Variants in IL10RA observed in about 807,000 individuals in gnomAD.
The protein encoded by IL10RA is interleukin-10 receptor subunit alpha.
A neutral mutation model predicts 29.6 loss-of-function variants in IL10RA; 18 were observed. The ratio of observed to expected loss-of-function variants is 0.61; its 90% CI spans 0.42 to 0.90. The LOEUF is 0.90. Ranked by LOEUF, IL10RA falls within the 40% of genes least tolerant of loss-of-function variation. The pLI is 0.00. For missense variants in IL10RA, 634 were observed against 716.6 expected (o/e 0.88, Z 1.32); for synonymous variants, 292 against 294.1 (o/e 0.99, Z 0.07).
At position 118,000,134 on chromosome 11, in the gene IL10RA, A is replaced by G. The variant is rs1350012674; in HGVS notation, c.*493A>G. 2.2e-6 allele frequency: 1 copy of G among 454,596 alleles called. No individual in the cohort carries two copies. Among genetic ancestry groups the G allele is most frequent in the Admixed American group, 2.3e-5 (1 of 42,562 alleles). 28.2% of individuals were successfully genotyped at this position (454,596 alleles called of 1,614,324 possible). A position where few individuals can be genotyped will look rare whatever the true frequency, so the allele number is the denominator to read the frequency against. On this transcript the variant is annotated 3_prime_UTR_variant, in exon 7 of 7. Coordinates refer to ENST00000227752, the MANE Select transcript of IL10RA (RefSeq NM_001558.4). Reference sequence around the variant, plus strand: ...TGCTGCTGGGGTCATTTTTAGGGGAAAAAGGAGGATATGATGGTCACATGG... The same window carrying G: ...TGCTGCTGGGGTCATTTTTAGGGGAGAAAGGAGGATATGATGGTCACATGG...
At position 117,994,159 on chromosome 11, in the gene IL10RA, C is replaced by A; in HGVS notation, c.688+10C>A. The A allele has an allele frequency of 6.2e-7, 1 of 1,613,016 alleles. No individual in the cohort carries two copies. The highest frequency in any genetic ancestry group is 8.5e-7 in the Non-Finnish European group (1 of 1,179,338). ...TCCCTCACCAGGCAGTGTGAGTCAG[C>A]TGGGCTGCTCTCAGCATGGGGAGGG... On this transcript the variant is annotated intron_variant, in intron 5 of 6. Transcript: ENST00000227752.
At position 117,995,682 on chromosome 11, in the gene IL10RA, G is replaced by C; in HGVS notation, c.782G>C (p.Arg261Pro). Reference protein sequence around the residue: ...AYCLALQLYVRRRKKLPSVLL... With the variant: ...AYCLALQLYVPRRKKLPSVLL... The stretch of plus-strand genomic sequence containing the variant: ...TGCCTGGCCCTCCAGCTGTATGTGC[G>C]GCGCCGAAAGAAGCTACCCAGTGTC... Residue 261 changes from arginine to proline, a missense_variant, in exon 6 of 7, where the codon CGG becomes CCG. Physicochemically the swap from Arg to Pro is moderately radical, Grantham distance 103. Transcript: ENST00000227752. 6.2e-7 allele frequency: 1 copy of C among 1,613,908 alleles called. No homozygotes were observed. Among genetic ancestry groups the C allele is most frequent in the Non-Finnish European group, 8.5e-7 (1 of 1,180,034 alleles).
At chr11:117,987,626 A>T (rs1370841967) in intron 1 of IL10RA, 1 of 153,938 alleles carries the variant, frequency 6.5e-6, no homozygotes, top group Non-Finnish European at 1.4e-5. Flanking sequence ...ATTCTTACAA[A>T]GAAGACAATG....
intron 4 of IL10RA, 25 bp downstream of exon 4, chr11:117,993,435 G>A (rs1351500467): frequency 6.2e-7 from 1 of 1,608,374 alleles, no homozygotes; most frequent in Non-Finnish European, 8.5e-7. Context: ...AAGGCCCCAG[G>A]GCCAGAACTC....
chr11:118,002,716 T>C (rs1433859664), downstream of IL10RA: 6 of 152,272 alleles, frequency 3.9e-5, no homozygotes, highest in Non-Finnish European at 7.3e-5. Flanking sequence ...GAGTTTGCGC[T>C]GGTTCATCTC....
chr11:117,989,806 AGATTTAAAAGGGAACT>A lies in IL10RA; in HGVS notation c.367+188_367+203del. ...AGATAAAAATAGCCCAAGTTGTTTG[AGATTTAAAAGGGAACT>A]GGAGTTGTTTATCCTACAGAAGAGA... On this transcript the variant is annotated intron_variant, in intron 3 of 6. Transcript: ENST00000227752. The surrounding 1 kb of genome is among the most constrained non-coding windows in gnomAD (Gnocchi z 4.5). The A allele has an allele frequency of 1.5e-6, 1 of 674,932 alleles. No homozygotes were observed. The highest frequency in any genetic ancestry group is 2.6e-6 in the Non-Finnish European group (1 of 382,308). 41.8% of individuals were successfully genotyped at this position (674,932 alleles called of 1,614,324 possible).
chr11:117,990,766 C>A (rs1178734695), intron 3 of IL10RA, among the ~76,000 whole-genome samples: 1 of 152,190 alleles, frequency 6.6e-6, no homozygotes, highest in Non-Finnish European at 1.5e-5. Flanking sequence ...ATAATCAATG[C>A]AATTTATCAC....
intron 5 of IL10RA, chr11:117,995,181 T>C (rs1033521706): frequency 6.0e-6 from 2 of 336,046 alleles, no homozygotes; most frequent in African/African-American, 4.3e-5. Flanking sequence ...ACAACTACCT[T>C]ATGAGGTCAG....
At chr11:117,993,009 T>C in intron 3 of IL10RA, 1 of 551,406 alleles carries the variant, frequency 1.8e-6, no homozygotes, top group Non-Finnish European at 3.3e-6. Context: ...GGTTTATTTC[T>C]GGGCTGTCCA....
At position 117,999,969 on chromosome 11, in the gene IL10RA, G is replaced by A. The variant is rs753647542; in HGVS notation, c.*328G>A. 6.0e-6 allele frequency: 3 copies of A among 500,948 alleles called. No individual in the cohort carries two copies. The highest frequency in any genetic ancestry group is 5.8e-5 in the African/African-American group (3 of 51,922). The allele number at this position is 500,948 out of a possible 1,614,324, so 31.0% of individuals were successfully genotyped here. A position where few individuals can be genotyped will look rare whatever the true frequency, so the allele number is the denominator to read the frequency against. ...GTATCATAAAGGATTATTTGCTCAG[G>A]GGAACCATGGGGCTTTCTGGAGTTG... On this transcript the variant is annotated 3_prime_UTR_variant, in exon 7 of 7. Coordinates refer to ENST00000227752, the MANE Select transcript of IL10RA (RefSeq NM_001558.4).
intron 1 of IL10RA, 27 bp from the exon 2 acceptor site, chr11:117,988,355 C>T (rs1482517369): frequency 6.2e-7 from 1 of 1,613,916 alleles, no homozygotes; most frequent in Non-Finnish European, 8.5e-7. Context: ...CCCCTCCCAG[C>T]TGTGGTACTG....
In IL10RA at chr11:117,999,655, G is replaced by T. The variant is rs2058081267; in HGVS notation, c.*14G>T. Reference sequence around the variant, plus strand: ...TCAAGTGAGTGACTCGGGCTGAGAGGCTGCTTTTGATTTTAGCCATGCCTG... The same window carrying T: ...TCAAGTGAGTGACTCGGGCTGAGAGTCTGCTTTTGATTTTAGCCATGCCTG... On this transcript the variant is annotated 3_prime_UTR_variant, in exon 7 of 7. Coordinates refer to ENST00000227752, the MANE Select transcript of IL10RA (RefSeq NM_001558.4). The T allele has an allele frequency of 1.2e-6, 2 of 1,610,386 alleles. No homozygotes were observed.
At chr11:117,992,265 A>G (rs887735446) in intron 3 of IL10RA, among the ~76,000 whole-genome samples, 2 of 152,200 alleles carry the variant, frequency 1.3e-5, no homozygotes, top group Non-Finnish European at 2.9e-5. Flanking sequence ...TAGATTTTCG[A>G]GGAACATCCA....
At chr11:117,997,551 C>A (rs1039893937) in intron 6 of IL10RA, among the ~76,000 whole-genome samples, 1 of 152,126 alleles carries the variant, frequency 6.6e-6, no homozygotes, top group Admixed American at 6.6e-5. Context: ...TCATCATGTA[C>A]CAAGGAAATG....
chr11:117,998,990 TGGCAGCAGC>T lies in IL10RA; in HGVS notation c.1087_1095del (p.Gly363_Ser365del), dbSNP rs56384274. 135 of 1,613,648 alleles carry T rather than the reference TGGCAGCAGC, an allele frequency of 8.4e-5. No individual in the cohort carries two copies. The highest frequency in any genetic ancestry group is 5.5e-4 in the Admixed American group (33 of 60,014). On this transcript the variant is annotated inframe_deletion, in exon 7 of 7. Transcript: ENST00000227752. ...CTGTGCTGGGGGACAGCTGCAGTAG[TGGCAGCAGC>T]AATAGCACAGACAGCGGGATCTGCC...
chr11:117,989,375 G>A lies in IL10RA; in HGVS notation c.189-67G>A, dbSNP rs777587511. ...GGGAGCTCTCTTCCTGGCCTCTTGCGTCTCCCTTAAAGGAGGTAGGATTGA... is the reference window on the plus strand; with the variant it reads ...GGGAGCTCTCTTCCTGGCCTCTTGCATCTCCCTTAAAGGAGGTAGGATTGA... On this transcript the variant is annotated intron_variant, in intron 2 of 6. Coordinates refer to ENST00000227752, the MANE Select transcript of IL10RA (RefSeq NM_001558.4). The surrounding 1 kb of genome is among the most constrained non-coding windows in gnomAD (Gnocchi z 4.5). 2.6e-5 allele frequency: 37 copies of A among 1,432,414 alleles called. No individual in the cohort carries two copies. The highest frequency in any genetic ancestry group is 1.7e-4 in the Middle Eastern group (1 of 5,740). The allele number at this position is 1,432,414 out of a possible 1,614,324, so 88.7% of individuals were successfully genotyped here.
intron 5 of IL10RA, among the ~76,000 whole-genome samples, chr11:117,994,375 G>T (rs2058043065): frequency 6.6e-6 from 1 of 152,198 alleles, no homozygotes; most frequent in Non-Finnish European, 1.5e-5. Flanking sequence ...AGGACTTGGT[G>T]GCAGAACCAG....
Position 117,998,794 on chromosome 11 carries a change from A to T in IL10RA, c.890A>T (p.Asp297Val). ...ACCCAAGACACCATCCACCCGCTTG[A>T]TGAGGAGGCCTTTTTGAAGGTGTCC... ...PETQDTIHPLDEEAFLKVSPE... is the reference protein window; with the variant it reads ...PETQDTIHPLVEEAFLKVSPE... Residue 297 changes from aspartate (D) to valine (V), a missense_variant, in exon 7 of 7, where the codon GAT becomes GTT. Physicochemically the swap from Asp to Val is radical, Grantham distance 152. Transcript: ENST00000227752. The T allele has an allele frequency of 6.2e-7, 1 of 1,614,122 alleles. No homozygotes were observed. The highest frequency in any genetic ancestry group is 8.5e-7 in the Non-Finnish European group (1 of 1,180,006).
In IL10RA at chr11:117,994,105, A is replaced by T. The variant is rs770318602; in HGVS notation, c.644A>T (p.Lys215Met). The T allele has an allele frequency of 6.2e-7, 1 of 1,614,154 alleles. No homozygotes were observed. Among genetic ancestry groups the T allele is most frequent in the Non-Finnish European group, 8.5e-7 (1 of 1,180,000 alleles). Residue 215 changes from lysine (K) to methionine (M), a missense_variant, in exon 5 of 7, where the codon AAG becomes ATG. Lys to Met is a moderately conservative substitution (Grantham distance 95). Transcript: ENST00000227752. ...VKPSVASRSN[K>M]GMWSKEECIS... ...CCATCTGTCGCTTCCCGAAGTAACA[A>T]GGGGATGTGGTCTAAAGAGGAGTGC...
Sources: allele counts gnomAD v4.1 joint callset (sites outside exome capture counted in the v4.1 genomes callset), GRCh38; gene constraint gnomAD v4.1.1; non-coding constraint Gnocchi (gnomAD v3.1); transcripts MANE v1.5; gene names NCBI Gene and HGNC (gene_info 2026-07-23, HGNC 2026-07-21).